RYR3: variants seen among roughly 807,000 people sequenced by gnomAD.
RYR3 encodes brain ryanodine receptor-calcium release channel.
A neutral mutation model predicts 584.3 loss-of-function variants in RYR3; 207 were observed. The ratio of observed to expected loss-of-function variants is 0.35; its 90% CI spans 0.32 to 0.40. The LOEUF is 0.40. RYR3 is among the 10% of genes least tolerant of loss of function. The pLI is 1.00. For synonymous variants in RYR3, 2,416 were observed against 2,248.5 expected (o/e 1.07, Z -2.11); for missense variants, 5,616 against 6,089.2 (o/e 0.92, Z 2.59).
At chr15:33,338,299 T>A (rs1007945240) in intron 1 of RYR3, among the ~76,000 whole-genome samples, 9 of 152,068 alleles carry the variant, frequency 5.9e-5, no homozygotes, top group African/African-American at 2.2e-4. Context: ...ATGGCTTTCC[T>A]CAAAGATGAT....
chr15:33,360,491 T>C (rs538481868), intron 1 of RYR3, among the ~76,000 whole-genome samples: 8 of 152,220 alleles, frequency 5.3e-5, no homozygotes, highest in Non-Finnish European at 7.3e-5. Context: ...TGACTTTGTA[T>C]GGATATATCA....
At chr15:33,631,171 T>C in intron 22 of RYR3, 39 bp from the exon 23 acceptor site, 3 of 1,252,132 alleles carry the variant, frequency 2.4e-6, no homozygotes, top group Non-Finnish European at 3.4e-6. Flanking sequence ...TTCCTAACAC[T>C]GCAGTTAACC....
intron 1 of RYR3, among the ~76,000 whole-genome samples, chr15:33,375,932 C>T (rs774538434): frequency 6.6e-6 from 1 of 151,982 alleles, no homozygotes; most frequent in Non-Finnish European, 1.5e-5. Flanking sequence ...GGCGTGGTGG[C>T]GGGCGCCTGT....
At position 33,318,089 on chromosome 15, in the gene RYR3, G is replaced by A. The variant is rs141914408; in HGVS notation, c.51+6993G>A. ...CTCAACATGAGCTCTTCCCTCTGGG[G>A]TGACAGCTGCTTGCTGCTGCTTATT... On this transcript the variant is annotated intron_variant, in intron 1 of 103. Coordinates refer to ENST00000634891, the MANE Select transcript of RYR3 (RefSeq NM_001036.6). Among the ~76,000 whole-genome samples, 10 of 152,368 alleles carry A rather than the reference G, an allele frequency of 6.6e-5. No individual in the cohort carries two copies. The East Asian group carries it at 1.7e-3, about 26-fold the overall frequency.
In RYR3 at chr15:33,660,342, G is replaced by A. The variant is rs577194736; in HGVS notation, c.4541G>A (p.Arg1514His). 2.4e-5 allele frequency: 39 copies of A among 1,592,364 alleles called. No homozygotes were observed. Among genetic ancestry groups the A allele is most frequent in the South Asian group, 5.8e-5 (5 of 86,914 alleles). ...AGCTTCCTGAAGGTGGAGACCGAGC[G>A]TGTGAGCGAGCGCCACGGCTGGGTG... ...PNSFLKVETE[R>H]VSERHGWVVQ... The change falls in exon 34 of 104, where the codon CGT becomes CAT. Residue 1514 changes from arginine to histidine, a missense_variant. Physicochemically the swap from Arg to His is conservative, Grantham distance 29. Coordinates refer to ENST00000634891, the MANE Select transcript of RYR3 (RefSeq NM_001036.6).
At chr15:33,321,542 G>A (rs1052609758) in intron 1 of RYR3, among the ~76,000 whole-genome samples, 1 of 152,084 alleles carries the variant, frequency 6.6e-6, no homozygotes, top group African/African-American at 2.4e-5. Flanking sequence ...AAAATGCTCT[G>A]CTCCTTAAGT....
intron 1 of RYR3, among the ~76,000 whole-genome samples, chr15:33,440,654 A>C (rs1373444907): frequency 6.6e-6 from 1 of 152,228 alleles, no homozygotes; most frequent in Non-Finnish European, 1.5e-5. Context: ...GTGATTCTCC[A>C]ACGTGGAATT....
At chr15:33,511,888 C>T (rs555801867) in intron 3 of RYR3, among the ~76,000 whole-genome samples, 1 of 152,336 alleles carries the variant, frequency 6.6e-6, no homozygotes, top group South Asian at 2.1e-4. Flanking sequence ...ACGCCATTCT[C>T]CTGCCTCAGC....
rs2061276288 is a variant in RYR3, at chr15:33,631,740, C to T, written c.2867+447C>T. On this transcript the variant is annotated intron_variant, in intron 23 of 103. Transcript: ENST00000634891. ...GTCCTGCTCTGCCTCTCTCCCACTA[C>T]ATTCAGACACAGTTGCACATTTCTT... is the stretch of plus-strand genomic sequence containing the variant. Among the ~76,000 whole-genome samples the T allele has an allele frequency of 3.9e-5, 6 of 152,214 alleles. No individual in the cohort carries two copies. In the South Asian group the frequency reaches 1.2e-3, roughly 32 times the overall value.
chr15:33,635,690 T>C lies in RYR3; in HGVS notation c.3252T>C (p.Ser1084=). The C allele has an allele frequency of 6.2e-7, 1 of 1,613,972 alleles. No homozygotes were observed. The highest frequency in any genetic ancestry group is 8.5e-7 in the Non-Finnish European group (1 of 1,179,882). The change falls in exon 26 of 104, where the codon TCT becomes TCC. Residue 1084 remains serine, a synonymous_variant. Transcript: ENST00000634891. Reference sequence around the variant, plus strand: ...TAGAGCGATCTTATGCAGTGAGATCTGGAAAGTGGTATTTTGAGTTTGAAG... The same window carrying C: ...TAGAGCGATCTTATGCAGTGAGATCCGGAAAGTGGTATTTTGAGTTTGAAG... ...FRVERSYAVR[S]GKWYFEFEVV...
chr15:33,455,553 C>T (rs779549940), intron 1 of RYR3, among the ~76,000 whole-genome samples: 2 of 152,140 alleles, frequency 1.3e-5, no homozygotes, highest in Non-Finnish European at 2.9e-5. Flanking sequence ...CAGAGATTTA[C>T]GGTGTCCCTT....
At position 33,311,069 on chromosome 15, in the gene RYR3, C is replaced by G. The variant is rs552810915; in HGVS notation, c.24C>G (p.Gly8=). 19 of 1,581,360 alleles carry G rather than the reference C, an allele frequency of 1.2e-5. No individual in the cohort carries two copies. Among genetic ancestry groups the G allele is most frequent in the Middle Eastern group, 2.3e-4 (1 of 4,394 alleles). Residue 8 remains glycine (G), a synonymous_variant, in exon 1 of 104, where the codon GGC becomes GGG. Transcript: ENST00000634891. This position sits in a 1 kb window ranked among gnomAD's most constrained non-coding sequence, Gnocchi z 4.4. ...CCATGGCCGAAGGGGGAGAAGGAGG[C>G]GAGGACGAGATCCAGTTTCTGAGGA... The part of the protein sequence containing the change: MAEGGEG[G]EDEIQFLRTE...
intron 25 of RYR3, among the ~76,000 whole-genome samples, chr15:33,635,272 G>A (rs2061444936): frequency 6.6e-6 from 1 of 152,116 alleles, no homozygotes; most frequent in African/African-American, 2.4e-5. Context: ...CTCTGTTCAT[G>A]GGCTCTGTGA....
At chr15:33,458,478 A>G (rs891010335) in intron 1 of RYR3, among the ~76,000 whole-genome samples, 2 of 152,174 alleles carry the variant, frequency 1.3e-5, no homozygotes, top group African/African-American at 4.8e-5. Context: ...CTCAGCTTCC[A>G]TAGACACATG....
At chr15:33,603,762 A>G (rs2059782902) in intron 18 of RYR3, among the ~76,000 whole-genome samples, 2 of 152,210 alleles carry the variant, frequency 1.3e-5, no homozygotes, top group Non-Finnish European at 2.9e-5. Flanking sequence ...AAACGTGTAA[A>G]CAGAAGCATA....
intron 60 of RYR3, among the ~76,000 whole-genome samples, chr15:33,765,722 C>T (rs1302915037): frequency 6.6e-6 from 1 of 151,918 alleles, no homozygotes; most frequent in Admixed American, 6.6e-5. Context: ...ATTATAGGGC[C>T]CAGCCATTAA....
chr15:33,669,617 A>AG (rs1402526979), intron 37 of RYR3, among the ~76,000 whole-genome samples, 161 bp downstream of exon 37: 1 of 152,216 alleles, frequency 6.6e-6, no homozygotes, highest in Non-Finnish European at 1.5e-5. Context: ...GTGTCAGAAA[A>AG]GATACAGGAA....
intron 20 of RYR3, among the ~76,000 whole-genome samples, chr15:33,627,669 A>G (rs1271337340): frequency 3.3e-5 from 5 of 152,248 alleles, no homozygotes; most frequent in Non-Finnish European, 2.9e-5. Context: ...TATGTGGTTA[A>G]TACATCTAGT....
chr15:33,447,214 G>C (rs561923164), intron 1 of RYR3, among the ~76,000 whole-genome samples: 1 of 152,200 alleles, frequency 6.6e-6, no homozygotes, highest in South Asian at 2.1e-4. Context: ...GTAACCTTTT[G>C]TTCATTGCTT....
Sources: allele counts gnomAD v4.1 joint callset (sites outside exome capture counted in the v4.1 genomes callset), GRCh38; gene constraint gnomAD v4.1.1; non-coding constraint Gnocchi (gnomAD v3.1); transcripts MANE v1.5; gene names NCBI Gene and HGNC (gene_info 2026-07-23, HGNC 2026-07-21).